The following ADGRA3 variants were observed in gnomAD, a reference collection of about 807,000 sequenced individuals.
ADGRA3 encodes adhesion G protein-coupled receptor A3.
A neutral mutation model predicts 119.8 loss-of-function variants in ADGRA3; 56 were observed. The observed-to-expected ratio is 0.47, with a 90% CI of 0.38 to 0.58. The LOEUF (loss-of-function observed/expected upper bound fraction) is 0.58, where lower values mean the gene tolerates loss of function less well. Among genes scored for constraint, ADGRA3 ranks in the 20% least tolerant of loss-of-function variants. The probability of loss-of-function intolerance (pLI) is 0.00; values close to 1 mark genes in which losing one functional copy is unlikely to be tolerated. For missense variants in ADGRA3, 1,516 were observed against 1,649.0 expected (o/e 0.92, Z 1.40); for synonymous variants, 607 against 623.8 (o/e 0.97, Z 0.40).
chr4:22,414,896 C>T (rs766815967), intron 12 of ADGRA3, among the ~76,000 whole-genome samples: 4 of 152,078 alleles, frequency 2.6e-5, no homozygotes, highest in African/African-American at 4.8e-5. Flanking sequence ...ATTGGTGTAA[C>T]GGAAAGTGGA....
chr4:22,444,585 C>T (rs1368072491), intron 6 of ADGRA3, among the ~76,000 whole-genome samples: 3 of 152,142 alleles, frequency 2.0e-5, no homozygotes, highest in African/African-American at 7.2e-5. Context: ...TTTAAGAACA[C>T]TGAAACATGT....
chr4:22,473,894 C>T (rs1380074998), intron 1 of ADGRA3, 51 bp from the exon 2 acceptor site: 1 of 1,080,018 alleles, frequency 9.3e-7, no homozygotes, highest in Non-Finnish European at 1.4e-6. Flanking sequence ...CTACCAATAT[C>T]AAAGTAATTT....
At chr4:22,508,183 A>T (rs2109183409) in intron 1 of ADGRA3, among the ~76,000 whole-genome samples, 1 of 152,300 alleles carries the variant, frequency 6.6e-6, no homozygotes, top group African/African-American at 2.4e-5. Context: ...CAAGAGCACA[A>T]ACACTAATAG....
chr4:22,484,508 A>G (rs1718361394), intron 1 of ADGRA3, among the ~76,000 whole-genome samples: 2 of 151,856 alleles, frequency 1.3e-5, no homozygotes, highest in Admixed American at 6.6e-5. Context: ...GGAAGGCTGA[A>G]GCAAGAGAAT....
chr4:22,426,234 G>A (rs1464058835), intron 10 of ADGRA3, among the ~76,000 whole-genome samples: 2 of 152,112 alleles, frequency 1.3e-5, no homozygotes, highest in African/African-American at 2.4e-5. Context: ...TTGACCCTCT[G>A]TAAAGTCCCA....
At position 22,466,018 on chromosome 4, in the gene ADGRA3, C is replaced by G. The variant is rs139340425; in HGVS notation, c.330-4210G>C. Among the ~76,000 whole-genome samples, 1,213 of 152,224 alleles carry G rather than the reference C, an allele frequency of 8.0e-3. 30 individuals carry two copies. Among genetic ancestry groups the G allele is most frequent in the East Asian group, 0.072 (370 of 5,164 alleles). On this transcript the variant is annotated intron_variant, in intron 2 of 18. Coordinates refer to ENST00000334304, the MANE Select transcript of ADGRA3 (RefSeq NM_145290.4). ...GCCCAGGTTGTAAACCACACAAGTTCTCACCTGTGTCCGATTCTCCATTTG... is the reference window on the plus strand; with the variant it reads ...GCCCAGGTTGTAAACCACACAAGTTGTCACCTGTGTCCGATTCTCCATTTG...
At chr4:22,497,553 G>A (rs1193374039) in intron 1 of ADGRA3, among the ~76,000 whole-genome samples, 4 of 151,946 alleles carry the variant, frequency 2.6e-5, no homozygotes, top group Admixed American at 6.6e-5. Context: ...GGCCGGGCAC[G>A]GTGGCTCACG....
At chr4:22,434,100 A>G (rs1353333818) in intron 10 of ADGRA3, among the ~76,000 whole-genome samples, 2 of 149,966 alleles carry the variant, frequency 1.3e-5, no homozygotes, top group Non-Finnish European at 3.0e-5. Context: ...TTATTACCAC[A>G]TTGCAAGTAC....
chr4:22,464,855 C>T (rs943513145), intron 2 of ADGRA3, among the ~76,000 whole-genome samples: 1 of 152,220 alleles, frequency 6.6e-6, no homozygotes, highest in Non-Finnish European at 1.5e-5. Context: ...AAGACACTGC[C>T]CTAACGGCTG....
In ADGRA3 at chr4:22,388,183, C is replaced by T. The variant is rs771076973; in HGVS notation, c.3488G>A (p.Arg1163Gln). 45 of 1,613,808 alleles carry T rather than the reference C, an allele frequency of 2.8e-5. No homozygotes were observed. Among genetic ancestry groups the T allele is most frequent in the Middle Eastern group, 3.3e-4 (2 of 6,082 alleles). ...GTGGCGGCTTGAGTGCACATTTGTT[C>T]GAAACTGAACTTCTAAAGGCGCCAC... ...MHVAPLEVQF[R>Q]TNVHSSRHHK... Residue 1163 changes from arginine (R) to glutamine (Q), a missense_variant, in exon 19 of 19, where the codon CGA (arginine) becomes CAA (glutamine). Transcript: ENST00000334304.
chr4:22,445,245 A>G (rs1716788799), intron 5 of ADGRA3, 112 bp from the exon 6 acceptor site: 1 of 874,810 alleles, frequency 1.1e-6, no homozygotes, highest in Non-Finnish European at 1.8e-6. Flanking sequence ...CACCCATACC[A>G]TGCCTAAAGT....
chr4:22,514,604 T>C (rs901463879), intron 1 of ADGRA3: 14 of 152,204 alleles, frequency 9.2e-5, no homozygotes, highest in African/African-American at 3.1e-4. Context: ...CAAAACAACA[T>C]AGAGGAACCC....
chr4:22,435,342 C>A lies in ADGRA3; in HGVS notation c.1412G>T (p.Gly471Val), dbSNP rs1156423477. The A allele has an allele frequency of 1.2e-6, 2 of 1,613,142 alleles. No individual in the cohort carries two copies. Among genetic ancestry groups the A allele is most frequent in the African/African-American group, 2.7e-5 (2 of 74,870 alleles). ...TGATTTTTCCTCCTTGGTAAATCTT[C>A]CAAATTTTTCAATCATTTCTGCCAC... ...IFVAEMIEKF[G>V]RFTKEEKSKE... The change falls in exon 10 of 19, where the codon GGA becomes GTA. Residue 471 changes from glycine to valine, a missense_variant. Transcript: ENST00000334304.
chr4:22,494,365 C>T (rs1430410166), intron 1 of ADGRA3, among the ~76,000 whole-genome samples: 1 of 151,950 alleles, frequency 6.6e-6, no homozygotes, highest in African/African-American at 2.4e-5. Context: ...AGCATATCAT[C>T]AAGAAATAAC....
At chr4:22,464,817 C>T (rs1717597880) in intron 2 of ADGRA3, among the ~76,000 whole-genome samples, 1 of 152,242 alleles carries the variant, frequency 6.6e-6, no homozygotes, top group Non-Finnish European at 1.5e-5. Flanking sequence ...TCCCCAGTAT[C>T]AGCTGCCTGC....
At chr4:22,390,377 TATAATACGTATTATATATATATATAA>T in intron 17 of ADGRA3, among the ~76,000 whole-genome samples, 1 of 29,470 alleles carries the variant, frequency 3.4e-5, no homozygotes, top group East Asian at 1.8e-3. Context: ...ATTATATATA[TATAATACGTATTATATATATATATAA>T]AATACGTATT....
chr4:22,390,569 A>T (rs928449056), intron 17 of ADGRA3, among the ~76,000 whole-genome samples: 1 of 151,180 alleles, frequency 6.6e-6, no homozygotes, highest in African/African-American at 2.4e-5. Flanking sequence ...TTATCACCTT[A>T]TTGTCAGCTG....
chr4:22,408,854 T>G (rs1715066139), intron 14 of ADGRA3, among the ~76,000 whole-genome samples: 1 of 152,110 alleles, frequency 6.6e-6, no homozygotes, highest in Admixed American at 6.6e-5. Context: ...ACCCAAAACC[T>G]AGAAACAGAA....
At chr4:22,445,779 A>G (rs1424767955) in intron 5 of ADGRA3, among the ~76,000 whole-genome samples, 1 of 152,226 alleles carries the variant, frequency 6.6e-6, no homozygotes, top group Non-Finnish European at 1.5e-5. Context: ...AGAATACCTC[A>G]GCTTTGATAT....
Sources: gnomAD v4.1 joint callset for allele counts (sites outside exome capture counted in the v4.1 genomes callset) on GRCh38, gnomAD v4.1.1 for gene constraint, MANE v1.5 for transcripts, NCBI Gene and HGNC (gene_info 2026-07-23, HGNC 2026-07-21) for gene names.